DNAJC1: variants seen among roughly 807,000 people sequenced by gnomAD.
DNAJC1 encodes DnaJ heat shock protein family (Hsp40) member C1, also known as dnaJ homolog subfamily C member 1.
Under a neutral mutation model 76.6 loss-of-function variants are expected in DNAJC1, and 58 were observed. The observed-to-expected ratio is 0.76, with a 90% CI of 0.61 to 0.94. DNAJC1 has a LOEUF of 0.94. Ranked by LOEUF, DNAJC1 falls within the 40% of genes least tolerant of loss-of-function variation. The probability of loss-of-function intolerance (pLI) is 0.00; values close to 1 mark genes in which losing one functional copy is unlikely to be tolerated. For missense variants in DNAJC1, 689 were observed against 677.3 expected (o/e 1.02, Z -0.19); for synonymous variants, 258 against 267.9 (o/e 0.96, Z 0.36).
chr10:21,831,018 T>C (rs1264737996), intron 8 of DNAJC1, among the ~76,000 whole-genome samples: 4 of 152,210 alleles, frequency 2.6e-5, no homozygotes, highest in Admixed American at 2.6e-4. Context: ...TCTCTTATTC[T>C]TGTAATGCCA....
At position 21,764,151 on chromosome 10, in the gene DNAJC1, T is replaced by C. The variant is rs535729276; in HGVS notation, c.1147+2110A>G. Among the ~76,000 whole-genome samples, 5 of 152,244 alleles carry C rather than the reference T, an allele frequency of 3.3e-5. No homozygotes were observed. In the South Asian group the frequency reaches 1.0e-3, roughly 32 times the overall value. On this transcript the variant is annotated intron_variant, in intron 10 of 11. Transcript: ENST00000376980. Reference sequence around the variant, plus strand: ...AACAAAATGTCCAACAATAGAAACTTGTTAAATAAACTATGGGGCAGACAT... The same window carrying C: ...AACAAAATGTCCAACAATAGAAACTCGTTAAATAAACTATGGGGCAGACAT...
At chr10:21,882,761 A>G (rs1053188760) in intron 7 of DNAJC1, among the ~76,000 whole-genome samples, 6 of 152,226 alleles carry the variant, frequency 3.9e-5, no homozygotes, top group African/African-American at 7.2e-5. Context: ...CCCTAACTTT[A>G]CCATGTAATA....
At chr10:21,995,859 C>A (rs1838408858) in intron 1 of DNAJC1, among the ~76,000 whole-genome samples, 1 of 152,110 alleles carries the variant, frequency 6.6e-6, no homozygotes, top group African/African-American at 2.4e-5. Flanking sequence ...GGAAATGAAA[C>A]ATAAATTCTA....
At chr10:21,984,604 T>C (rs7096658) in intron 1 of DNAJC1, among the ~76,000 whole-genome samples, 110,486 of 151,746 alleles carry the variant, frequency 0.73, 40,768 homozygotes, top group East Asian at 0.98. Context: ...TCCAATAACA[T>C]AGGAGTTCTA....
intron 8 of DNAJC1, among the ~76,000 whole-genome samples, chr10:21,870,953 G>GAAGGAACA (rs58868586): frequency 0.66 from 100,272 of 150,954 alleles, 33,833 homozygotes; most frequent in East Asian, 0.96. Context: ...ACCAGTACTA[G>GAAGGAACA]AAGGAACAGA....
Position 21,765,956 on chromosome 10 carries a change from T to C in DNAJC1, c.1147+305A>G, listed in dbSNP as rs562031973. ...ACAGTGCAGGGAAACAGTGTGCACA[T>C]AGCATTTGCGTGGTGTGCAGATGGG... On this transcript the variant is annotated intron_variant, in intron 10 of 11. Coordinates refer to ENST00000376980, the MANE Select transcript of DNAJC1 (RefSeq NM_022365.4). 4.2e-4 allele frequency among the ~76,000 whole-genome samples: 64 copies of C among 152,318 alleles called. 3 individuals are homozygous for C. In the South Asian group the frequency reaches 0.011, roughly 26 times the overall value.
chr10:21,808,103 G>A (rs1834909895), intron 8 of DNAJC1, among the ~76,000 whole-genome samples: 1 of 152,074 alleles, frequency 6.6e-6, no homozygotes, highest in Non-Finnish European at 1.5e-5. Flanking sequence ...GTTGATCATT[G>A]CATAAAGATA....
chr10:21,935,416 T>C (rs146435295), intron 1 of DNAJC1, among the ~76,000 whole-genome samples: 21 of 151,948 alleles, frequency 1.4e-4, no homozygotes, highest in African/African-American at 2.7e-4. Context: ...CTTAGATCAA[T>C]AGCGATTACC....
intron 7 of DNAJC1, among the ~76,000 whole-genome samples, chr10:21,882,682 T>C (rs894994769): frequency 6.6e-6 from 1 of 152,204 alleles, no homozygotes; most frequent in Non-Finnish European, 1.5e-5. Flanking sequence ...TACACCTTTG[T>C]TTTCAAAGTA....
chr10:21,824,632 G>A (rs967404721), intron 8 of DNAJC1, among the ~76,000 whole-genome samples: 1 of 152,062 alleles, frequency 6.6e-6, no homozygotes, highest in African/African-American at 2.4e-5. Flanking sequence ...CTACAGCCTG[G>A]GCAAACCACA....
At chr10:21,994,764 C>T (rs1350422691) in intron 1 of DNAJC1, among the ~76,000 whole-genome samples, 1 of 152,050 alleles carries the variant, frequency 6.6e-6, no homozygotes, top group Non-Finnish European at 1.5e-5. Flanking sequence ...GCACTCCAGC[C>T]TGGGTGACAA....
chr10:21,958,232 G>GT (rs553677008), intron 1 of DNAJC1, among the ~76,000 whole-genome samples: 53 of 151,836 alleles, frequency 3.5e-4, no homozygotes, highest in African/African-American at 1.1e-3. Context: ...AGAAATGAAG[G>GT]TTTTTTTCTT....
intron 1 of DNAJC1, among the ~76,000 whole-genome samples, chr10:21,965,912 T>C (rs557535762): frequency 2.6e-5 from 4 of 152,314 alleles, no homozygotes; most frequent in African/African-American, 9.6e-5. Context: ...TCTCATGGGG[T>C]CTGGATCAGG....
intron 9 of DNAJC1, among the ~76,000 whole-genome samples, chr10:21,777,870 T>A (rs984353781): frequency 6.6e-6 from 1 of 152,168 alleles, no homozygotes; most frequent in Non-Finnish European, 1.5e-5. Context: ...GACTGTCACA[T>A]TTCATCCCCA....
At chr10:21,918,670 T>G (rs1415062557) in intron 6 of DNAJC1, 109 bp downstream of exon 6, 8 of 699,694 alleles carry the variant, frequency 1.1e-5, no homozygotes, top group Non-Finnish European at 1.5e-5. Context: ...ATCAACATTA[T>G]AAAGCATCCA....
chr10:21,905,598 T>C (rs759577045), intron 6 of DNAJC1, among the ~76,000 whole-genome samples: 1 of 152,220 alleles, frequency 6.6e-6, no homozygotes, highest in Non-Finnish European at 1.5e-5. Flanking sequence ...TTCTCCCTTG[T>C]ACACTACTTC....
chr10:21,851,144 T>C (rs777757546), intron 8 of DNAJC1, among the ~76,000 whole-genome samples: 3 of 152,178 alleles, frequency 2.0e-5, no homozygotes, highest in African/African-American at 4.8e-5. Flanking sequence ...AGTCAATCAA[T>C]TGGACTTCAT....
chr10:21,911,748 G>A (rs971055774), intron 6 of DNAJC1, among the ~76,000 whole-genome samples: 3 of 152,142 alleles, frequency 2.0e-5, no homozygotes, highest in African/African-American at 7.2e-5. Flanking sequence ...ATTTTATGAT[G>A]GTGAGATAGT....
intron 8 of DNAJC1, among the ~76,000 whole-genome samples, chr10:21,874,499 T>C (rs766603149): frequency 6.6e-6 from 1 of 150,616 alleles, no homozygotes; most frequent in South Asian, 2.1e-4. Flanking sequence ...AAATAAGCCA[T>C]GAGAACATTA....
Sources: gnomAD v4.1 joint callset for allele counts (sites outside exome capture counted in the v4.1 genomes callset) on GRCh38, gnomAD v4.1.1 for gene constraint, MANE v1.5 for transcripts, NCBI Gene and HGNC (gene_info 2026-07-23, HGNC 2026-07-21) for gene names.